TTN: variants seen among roughly 807,000 people sequenced by gnomAD.
TTN encodes titin.
Under a neutral mutation model 3,223.0 loss-of-function variants are expected in TTN, and 1,525 were observed. The observed-to-expected ratio is 0.47, with a 90% CI of 0.45 to 0.49. The LOEUF (loss-of-function observed/expected upper bound fraction) is 0.49. Ranked by LOEUF, TTN falls within the 20% of genes least tolerant of loss-of-function variation. The pLI, the probability that TTN is intolerant of heterozygous loss-of-function variation, is 0.00. For synonymous variants in TTN, 14,094 were observed against 15,161.0 expected (o/e 0.93, Z 5.17); for missense variants, 40,786 against 43,424.0 (o/e 0.94, Z 5.40).
In TTN at chr2:178,630,318, T is replaced by C. The variant is rs763464756; in HGVS notation, c.44204A>G (p.Asn14735Ser). The change falls in exon 239 of 363, where the codon AAC (asparagine) becomes AGC (serine). Residue 14735 changes from asparagine to serine, a missense_variant. By Grantham distance (46) the Asn-to-Ser change is conservative. Transcript: ENST00000589042. ...EGKIHSLVLHNCRLDQTGGVD... is the reference protein window; with the variant it reads ...EGKIHSLVLHSCRLDQTGGVD... ...CCCACCCGTCTGGTCCAGGCGACAG[T>C]TGTGCAAAACAAGGGAGTGTATTTT... 4.3e-6 allele frequency: 7 copies of C among 1,613,012 alleles called. No individual in the cohort carries two copies. The highest frequency in any genetic ancestry group is 5.9e-6 in the Non-Finnish European group (7 of 1,179,404).
Position 178,608,588 on chromosome 2 carries a change from A to T in TTN, c.52405+18T>A. 3 of 1,602,154 alleles carry T rather than the reference A, an allele frequency of 1.9e-6. No individual in the cohort carries two copies. The highest frequency in any genetic ancestry group is 2.6e-6 in the Non-Finnish European group (3 of 1,175,326). ...TACATGGTAAAAAGGCAAACTTTAG[A>T]TGCCAAAGGAAACTTACCAAATGGA... On this transcript the variant is annotated intron_variant, in intron 274 of 362. Coordinates refer to ENST00000589042, the MANE Select transcript of TTN (RefSeq NM_001267550.2).
rs575360239 is a variant in TTN, at chr2:178,704,392, C to T, written c.29978G>A (p.Arg9993Gln). 5 of 1,613,318 alleles carry T rather than the reference C, an allele frequency of 3.1e-6. No individual in the cohort carries two copies. Among genetic ancestry groups the T allele is most frequent in the African/African-American group, 1.3e-5 (1 of 75,010 alleles). The change falls in exon 106 of 363, where the codon CGG (arginine) becomes CAG (glutamine). Residue 9993 changes from arginine to glutamine, a missense_variant. Arg to Gln is a conservative substitution (Grantham distance 43, BLOSUM62 1). Coordinates refer to ENST00000589042, the MANE Select transcript of TTN (RefSeq NM_001267550.2). ...KLTVIEPAWE[R>Q]HLQDVTLKEG... ...TTTCAGAGTCACATCCTGAAGATGC[C>T]GTTCCCATGCAGGCTCTGTTCATGT...
intron 295 of TTN, among the ~76,000 whole-genome samples, chr2:178,595,299 AAAAG>A (rs2051246136): frequency 6.6e-6 from 1 of 151,970 alleles, no homozygotes; most frequent in South Asian, 2.1e-4. Flanking sequence ...AAAAAAAACA[AAAAG>A]AAATTCAATG....
chr2:178,782,562 C>T lies in TTN; in HGVS notation c.3141G>A (p.Glu1047=). Residue 1047 remains glutamate (E), a synonymous_variant, in exon 19 of 363, where the codon GAG becomes GAA. Coordinates refer to ENST00000589042, the MANE Select transcript of TTN (RefSeq NM_001267550.2). ...ACCGTTTCTCTTCTGTAGTAAATTTCTCAGTCACGGCTGTGGTTTCCTTTT... is the reference window on the plus strand; with the variant it reads ...ACCGTTTCTCTTCTGTAGTAAATTTTTCAGTCACGGCTGTGGTTTCCTTTT... The part of the protein sequence containing the change: ...EFEKETTAVT[E]KFTTEEKRFV... The T allele has an allele frequency of 6.2e-7, 1 of 1,614,000 alleles. No homozygotes were observed. The highest frequency in any genetic ancestry group is 8.5e-7 in the Non-Finnish European group (1 of 1,179,966).
At chr2:178,541,230 C>G in intron 350 of TTN, 52 bp downstream of exon 350, 3 of 1,418,890 alleles carry the variant, frequency 2.1e-6, no homozygotes, top group Non-Finnish European at 2.8e-6. Context: ...GGTGAATTTT[C>G]CCACATATAA....
intron 287 of TTN, 27 bp downstream of exon 287, chr2:178,601,238 A>G (rs778456834): frequency 2.6e-6 from 4 of 1,519,996 alleles, no homozygotes; most frequent in Non-Finnish European, 3.5e-6. Context: ...TTGAGAAGAT[A>G]TTTTAAATTT....
In TTN at chr2:178,731,852, T is replaced by C. The variant is rs1198124023; in HGVS notation, c.17023A>G (p.Thr5675Ala). 10 of 1,613,646 alleles carry C rather than the reference T, an allele frequency of 6.2e-6. No homozygotes were observed. In the South Asian group the frequency reaches 9.9e-5, roughly 16 times the overall value. ...TACTTTCTACCACTTCGCAGGATTG[T>C]GTTATCTTTGAACCAAGTGATCTCA... ...PFEITWFKDNTILRSGRKYKT... is the reference protein window; with the variant it reads ...PFEITWFKDNAILRSGRKYKT... Residue 5675 changes from threonine (T) to alanine (A), a missense_variant, in exon 58 of 363, where the codon ACA (threonine) becomes GCA (alanine). Physicochemically the swap from Thr to Ala is moderately conservative, Grantham distance 58. Transcript: ENST00000589042.
chr2:178,724,765 C>G, intron 71 of TTN: 1 of 397,334 alleles, frequency 2.5e-6, no homozygotes, highest in Non-Finnish European at 4.3e-6. Context: ...TTTTTCCCAC[C>G]ACTCTTGCTG....
Position 178,667,502 on chromosome 2 carries a change from C to T in TTN, c.35653G>A (p.Val11885Ile). ...GTCACATATATTTTGTCTTCTGGAACAACTTTCTTGGGTGGCTCAGGCACT... is the reference window on the plus strand; with the variant it reads ...GTCACATATATTTTGTCTTCTGGAATAACTTTCTTGGGTGGCTCAGGCACT... ...AKVPEPPKKV[V>I]PEDKIYVTIP... The change falls in exon 161 of 363, where the codon GTT becomes ATT. Residue 11885 changes from valine to isoleucine, a missense_variant. By Grantham distance (29) the Val-to-Ile change is conservative. Transcript: ENST00000589042. 1.3e-6 allele frequency: 2 copies of T among 1,598,096 alleles called. No homozygotes were observed. Among genetic ancestry groups the T allele is most frequent in the Middle Eastern group, 1.7e-4 (1 of 6,052 alleles).
intron 47 of TTN, chr2:178,747,365 A>T (rs577323568): frequency 1.2e-6 from 2 of 1,613,356 alleles, no homozygotes; most frequent in Admixed American, 3.3e-5. Flanking sequence ...TTGTTTAGTT[A>T]TATCTGAAGG....
In TTN at chr2:178,678,374, G is replaced by GT. The variant is rs750737949; in HGVS notation, c.33910+39dup. 1.0e-5 allele frequency: 16 copies of GT among 1,546,192 alleles called. 1 individual carries two copies. The Admixed American group carries it at 1.2e-4, about 11-fold the overall frequency. On this transcript the variant is annotated intron_variant, in intron 144 of 362. Coordinates refer to ENST00000589042, the MANE Select transcript of TTN (RefSeq NM_001267550.2). ...TGTATGTGAGTATACATAGATGTGA[G>GT]TTTTTTCCCCCAAGTACTCTAAGTG...
intron 29 of TTN, 181 bp downstream of exon 29, chr2:178,774,740 C>T (rs900551259): frequency 1.6e-5 from 13 of 818,938 alleles, no homozygotes; most frequent in Non-Finnish European, 2.0e-5. Flanking sequence ...TTAAAAAATC[C>T]AAATGGTCAA....
Position 178,557,574 on chromosome 2 carries a change from C to G in TTN, c.87707-19G>C, listed in dbSNP as rs1559256845. 5.0e-6 allele frequency: 8 copies of G among 1,613,636 alleles called. No homozygotes were observed. In the South Asian group the frequency reaches 7.7e-5, roughly 16 times the overall value. ...GGTGTTGCTACAAAAGAGAGAAATC[C>G]TATAGATTAGTACAGACAATAACAC... is the stretch of plus-strand genomic sequence containing the variant. On this transcript the variant is annotated intron_variant, in intron 328 of 362. Transcript: ENST00000589042.
rs996429635 is a variant in TTN, at chr2:178,586,450, A to C, written c.64396+55T>G. On this transcript the variant is annotated intron_variant, in intron 308 of 362. Coordinates refer to ENST00000589042, the MANE Select transcript of TTN (RefSeq NM_001267550.2). ...TCAGGGAGAAATGTCTACATATAAA[A>C]GAAGAAATTCTAATAAACTTACCAC... 5 of 1,583,280 alleles carry C rather than the reference A, an allele frequency of 3.2e-6. No individual in the cohort carries two copies. In the African/African-American group the frequency reaches 4.1e-5, roughly 13 times the overall value.
At position 178,663,671 on chromosome 2, in the gene TTN, G is replaced by T. The variant is rs777792441; in HGVS notation, c.36488C>A (p.Ala12163Glu). 5 of 1,605,092 alleles carry T rather than the reference G, an allele frequency of 3.1e-6. No homozygotes were observed. The highest frequency in any genetic ancestry group is 4.2e-6 in the Non-Finnish European group (5 of 1,176,640). ...PPKEVVPEKK[A>E]PVAPPKEPEV... ...AGGCTCTTTAGGAGGAGCCACTGGC[G>T]CTTTCTTTTCAGGAACTACTTCTTT... is the stretch of plus-strand genomic sequence containing the variant. The change falls in exon 171 of 363, where the codon GCG becomes GAG. Residue 12163 changes from alanine to glutamate, a missense_variant. Transcript: ENST00000589042.
In TTN at chr2:178,565,651, C is replaced by T; in HGVS notation, c.80481G>A (p.Trp26827Ter). ...AGACTTTGGATTCAGCCACAATGCTCCATTTTTCAGTTCCTTTGGGCTGCA... is the reference window on the plus strand; with the variant it reads ...AGACTTTGGATTCAGCCACAATGCTTCATTTTTCAGTTCCTTTGGGCTGCA... ...VEMQPKGTEK[W>*]SIVAESKVCN... Residue 26827 changes from tryptophan to a stop codon, truncating the protein, a stop_gained, in exon 326 of 363, where the codon TGG becomes TGA. Coordinates refer to ENST00000589042, the MANE Select transcript of TTN (RefSeq NM_001267550.2). LOFTEE classifies it high-confidence loss of function. 6.2e-7 allele frequency: 1 copy of T among 1,613,556 alleles called. No homozygotes were observed. Among genetic ancestry groups the T allele is most frequent in the Non-Finnish European group, 8.5e-7 (1 of 1,179,626 alleles).
Position 178,669,670 on chromosome 2 carries a change from C to T in TTN, c.35392G>A (p.Glu11798Lys), listed in dbSNP as rs568337938. 3.6e-5 allele frequency: 58 copies of T among 1,612,014 alleles called. No individual in the cohort carries two copies. Among genetic ancestry groups the T allele is most frequent in the South Asian group, 3.5e-4 (32 of 91,018 alleles). ...EPRVPPTKAP[E>K]VPKKIVPEEK... Reference sequence around the variant, plus strand: ...TCTGGGACAATTTTCTTGGGTACTTCGGGTGCTTTAAAGATATTTATTTAT... The same window carrying T: ...TCTGGGACAATTTTCTTGGGTACTTTGGGTGCTTTAAAGATATTTATTTAT... The change falls in exon 158 of 363, where the codon GAA (glutamate) becomes AAA (lysine). Residue 11798 changes from glutamate (E) to lysine (K), a missense_variant. Transcript: ENST00000589042.
intron 127 of TTN, 91 bp from the exon 128 acceptor site, chr2:178,685,689 A>G: frequency 7.6e-7 from 1 of 1,313,564 alleles, no homozygotes; most frequent in Non-Finnish European, 1.1e-6. Context: ...AGTAATCAAA[A>G]TAGCAAAAGT....
At chr2:178,736,122 C>T in intron 49 of TTN, 48 bp from the exon 50 acceptor site, 4 of 1,477,998 alleles carry the variant, frequency 2.7e-6, no homozygotes, top group Non-Finnish European at 3.6e-6. Context: ...CACCAAAGCA[C>T]TTGCTGTAAT....
Sources: allele counts gnomAD v4.1 joint callset (sites outside exome capture counted in the v4.1 genomes callset), GRCh38; gene constraint gnomAD v4.1.1; transcripts MANE v1.5; gene names NCBI Gene and HGNC (gene_info 2026-07-23, HGNC 2026-07-21).